The following MYH10 variants were observed in gnomAD, a reference collection of about 807,000 sequenced individuals.
MYH10 encodes myosin-10.
In MYH10, 55 loss-of-function variants were observed where a neutral mutation model predicts 257.8. The ratio of observed to expected loss-of-function variants is 0.21; its 90% CI spans 0.17 to 0.27. MYH10 has a LOEUF of 0.27. Ranked by LOEUF, MYH10 falls within the 10% of genes least tolerant of loss-of-function variation. MYH10 has a pLI of 1.00. For synonymous variants in MYH10, 854 were observed against 921.7 expected, an observed-to-expected ratio of 0.93 and a Z score of 1.33; for missense variants, 1,631 against 2,500.6, an observed-to-expected ratio of 0.65 and a Z score of 7.42.
intron 2 of MYH10, among the ~76,000 whole-genome samples, chr17:8,609,340 C>G (rs1246275316): frequency 6.6e-6 from 1 of 151,748 alleles, no homozygotes; most frequent in Non-Finnish European, 1.5e-5. Flanking sequence ...AGAAATCAGA[C>G]CACCATCGAG....
intron 14 of MYH10, among the ~76,000 whole-genome samples, chr17:8,536,541 G>A (rs1055051766): frequency 6.6e-6 from 1 of 151,954 alleles, no homozygotes; most frequent in African/African-American, 2.4e-5. Flanking sequence ...TTACTTCATT[G>A]AAAAAAAGTA....
intron 17 of MYH10, among the ~76,000 whole-genome samples, chr17:8,526,910 T>C (rs1478714488): frequency 6.6e-6 from 1 of 152,216 alleles, no homozygotes; most frequent in Non-Finnish European, 1.5e-5. Context: ...ACCTATTTAA[T>C]GTTAATTTCA....
intron 9 of MYH10, among the ~76,000 whole-genome samples, chr17:8,551,737 CCTTA>C (rs1412288861): frequency 2.0e-5 from 3 of 151,926 alleles, no homozygotes; most frequent in Admixed American, 6.6e-5. Flanking sequence ...ATTTCTTTTC[CCTTA>C]CTTTCATATT....
At chr17:8,525,257 T>TA (rs2081803230) in intron 17 of MYH10, among the ~76,000 whole-genome samples, 1 of 152,212 alleles carries the variant, frequency 6.6e-6, no homozygotes, top group African/African-American at 2.4e-5. Context: ...CCTCCAAAGC[T>TA]AAATACACCA....
rs561642774 is a variant in MYH10, at chr17:8,546,062, A to T, written c.1279-462T>A. On this transcript the variant is annotated intron_variant, in intron 12 of 42. Transcript: ENST00000360416. ...TTTTTAAAAAATCACCTTTAAAAAAATTTTTTTTTTTTTTGATACGGAGTC... is the reference window on the plus strand; with the variant it reads ...TTTTTAAAAAATCACCTTTAAAAAATTTTTTTTTTTTTTTGATACGGAGTC... Among the ~76,000 whole-genome samples, 325 of 149,052 alleles carry T rather than the reference A, an allele frequency of 2.2e-3. 1 individual carries two copies. Among genetic ancestry groups the T allele is most frequent in the Non-Finnish European group, 3.3e-3 (219 of 67,148 alleles).
chr17:8,512,021 T>C (rs2081313049), intron 24 of MYH10, among the ~76,000 whole-genome samples: 1 of 152,248 alleles, frequency 6.6e-6, no homozygotes, highest in Admixed American at 6.5e-5. Context: ...TTTTTAAAAA[T>C]TCTCATTCTG....
At chr17:8,514,307 T>C (rs1284903197) in intron 21 of MYH10, among the ~76,000 whole-genome samples, 1 of 152,188 alleles carries the variant, frequency 6.6e-6, no homozygotes, top group Non-Finnish European at 1.5e-5. Flanking sequence ...CCTTTTGATA[T>C]GTCACAGAAG....
In MYH10 at chr17:8,629,014, A is replaced by C. The variant is rs950632057; in HGVS notation, c.-32+1640T>G. Among the ~76,000 whole-genome samples the C allele has an allele frequency of 3.3e-5, 5 of 152,364 alleles. No homozygotes were observed. The East Asian group carries it at 7.7e-4, about 24-fold the overall frequency. ...CGGGGAAGAACTGAATTTAAGATGC[A>C]GAAGTAAGGAGATGCATAAAATGGC... On this transcript the variant is annotated intron_variant, in intron 1 of 42. Coordinates refer to ENST00000360416, the MANE Select transcript of MYH10 (RefSeq NM_001256012.3).
chr17:8,596,119 A>G (rs1003172711), intron 3 of MYH10, among the ~76,000 whole-genome samples: 1 of 148,728 alleles, frequency 6.7e-6, no homozygotes, highest in African/African-American at 2.5e-5. Context: ...GTTTATTGTT[A>G]TAAGTGCTAT....
intron 7 of MYH10, chr17:8,561,134 G>A (rs1361381508): frequency 3.2e-6 from 2 of 618,946 alleles, no homozygotes; most frequent in East Asian, 2.7e-5. Flanking sequence ...TTAAGTTTAG[G>A]ATTATAAAAT....
In MYH10 at chr17:8,506,608, C is replaced by T. The variant is rs1597678695; in HGVS notation, c.3215-119G>A. 1.2e-5 allele frequency: 12 copies of T among 1,040,296 alleles called. No individual in the cohort carries two copies. The East Asian group carries it at 2.5e-4, about 22-fold the overall frequency. The allele number at this position is 1,040,296 out of a possible 1,614,324, so 64.4% of individuals were successfully genotyped here. A position where few individuals can be genotyped will look rare whatever the true frequency, so the allele number is the denominator to read the frequency against. On this transcript the variant is annotated intron_variant, in intron 26 of 42. Coordinates refer to ENST00000360416, the MANE Select transcript of MYH10 (RefSeq NM_001256012.3). The surrounding 1 kb of genome is among the most constrained non-coding windows in gnomAD (Gnocchi z 5.0). Reference sequence around the variant, plus strand: ...CATTTTATTCAAAAGCATGTCACTGCCCTGATGACATGGTCATGCGCTGAT... The same window carrying T: ...CATTTTATTCAAAAGCATGTCACTGTCCTGATGACATGGTCATGCGCTGAT...
intron 23 of MYH10, among the ~76,000 whole-genome samples, chr17:8,513,161 G>A (rs564842944): frequency 1.3e-5 from 2 of 152,272 alleles, no homozygotes; most frequent in Admixed American, 1.3e-4. Flanking sequence ...AGTTCAGGTG[G>A]TGACCTCTAC....
At position 8,535,477 on chromosome 17, in the gene MYH10, G is replaced by A; in HGVS notation, c.1804C>T (p.Leu602=). Reference sequence around the variant, plus strand: ...TTCAGGGGGTCCATATTCTTCATCAGCCACTCATCTGCCTTATAGTCCACC... The same window carrying A: ...TTCAGGGGGTCCATATTCTTCATCAACCACTCATCTGCCTTATAGTCCACC... ...GKVDYKADEW[L]MKNMDPLNDN... The change falls in exon 16 of 43, where the codon CTG becomes TTG. Residue 602 remains leucine (L), a synonymous_variant. Coordinates refer to ENST00000360416, the MANE Select transcript of MYH10 (RefSeq NM_001256012.3). The surrounding 1 kb of genome is among the most constrained non-coding windows in gnomAD (Gnocchi z 4.3). 6.2e-7 allele frequency: 1 copy of A among 1,613,862 alleles called. No individual in the cohort carries two copies. The highest frequency in any genetic ancestry group is 1.1e-5 in the South Asian group (1 of 91,026).
Position 8,478,437 on chromosome 17 carries a change from T to G in MYH10, c.5607A>C (p.Ala1869=). ...EQLEQEAKER[A]AANKLVRRTE... is the part of the protein sequence containing the mutation. ...TGCGACGGACTAATTTGTTGGCGGCTGCTCGTTCCCTGTGAAAGTGGTCAC... is the reference window on the plus strand; with the variant it reads ...TGCGACGGACTAATTTGTTGGCGGCGGCTCGTTCCCTGTGAAAGTGGTCAC... The change falls in exon 41 of 43, where the codon GCA becomes GCC. Residue 1869 remains alanine (A), a synonymous_variant. Transcript: ENST00000360416. The G allele has an allele frequency of 6.2e-7, 1 of 1,614,270 alleles. No homozygotes were observed. Among genetic ancestry groups the G allele is most frequent in the Non-Finnish European group, 8.5e-7 (1 of 1,180,032 alleles).
intron 7 of MYH10, chr17:8,561,663 T>C (rs1597833556): frequency 3.1e-6 from 2 of 645,020 alleles, no homozygotes; most frequent in East Asian, 5.5e-5. Context: ...AAAAAAAGAT[T>C]TGGGGCCTCT....
intron 7 of MYH10, among the ~76,000 whole-genome samples, chr17:8,555,412 C>T (rs554449022): frequency 2.6e-5 from 4 of 152,210 alleles, no homozygotes; most frequent in African/African-American, 9.6e-5. Context: ...TTTACTAGGA[C>T]AGTGTGGTAT....
At chr17:8,567,317 T>C (rs2083196274) in intron 7 of MYH10, among the ~76,000 whole-genome samples, 1 of 152,176 alleles carries the variant, frequency 6.6e-6, no homozygotes, top group Non-Finnish European at 1.5e-5. Context: ...ACTTTGCACA[T>C]AAAAAGCTAA....
In MYH10 at chr17:8,506,605, C is replaced by T; in HGVS notation, c.3215-116G>A. Reference sequence around the variant, plus strand: ...AGCCATTTTATTCAAAAGCATGTCACTGCCCTGATGACATGGTCATGCGCT... The same window carrying T: ...AGCCATTTTATTCAAAAGCATGTCATTGCCCTGATGACATGGTCATGCGCT... On this transcript the variant is annotated intron_variant, in intron 26 of 42. Transcript: ENST00000360416. This position sits in a 1 kb window ranked among gnomAD's most constrained non-coding sequence, Gnocchi z 5.0. 2.8e-6 allele frequency: 3 copies of T among 1,086,096 alleles called. No individual in the cohort carries two copies. Among genetic ancestry groups the T allele is most frequent in the Non-Finnish European group, 2.7e-6 (2 of 744,004 alleles). The allele number at this position is 1,086,096 out of a possible 1,614,324, so 67.3% of individuals were successfully genotyped here. A position where few individuals can be genotyped will look rare whatever the true frequency, so the allele number is the denominator to read the frequency against.
intron 25 of MYH10, 24 bp from the exon 26 acceptor site, chr17:8,508,701 T>A (rs1168402110): frequency 6.2e-7 from 1 of 1,612,560 alleles, no homozygotes; most frequent in South Asian, 1.1e-5. Context: ...ATTGACTGCT[T>A]CAGAAAAGCC....
Sources: allele counts gnomAD v4.1 joint callset (sites outside exome capture counted in the v4.1 genomes callset), GRCh38; gene constraint gnomAD v4.1.1; non-coding constraint Gnocchi (gnomAD v3.1); transcripts MANE v1.5; gene names NCBI Gene and HGNC (gene_info 2026-07-23, HGNC 2026-07-21).